THEMIS2: variants seen among roughly 807,000 people sequenced by gnomAD.
THEMIS2 encodes protein THEMIS2.
A neutral mutation model predicts 46.8 loss-of-function variants in THEMIS2; 29 were observed. That is an observed-to-expected ratio of 0.62 (90% CI 0.46 to 0.84). THEMIS2 has a LOEUF of 0.84. Ranked by LOEUF, THEMIS2 falls within the 40% of genes least tolerant of loss-of-function variation. The probability of loss-of-function intolerance (pLI) is 0.00; values close to 1 mark genes in which losing one functional copy is unlikely to be tolerated. For synonymous variants in THEMIS2, 335 were observed against 349.1 expected, an observed-to-expected ratio of 0.96 and a Z score of 0.45; for missense variants, 698 against 834.7, an observed-to-expected ratio of 0.84 and a Z score of 2.02.
In THEMIS2 at chr1:27,882,533, G is replaced by C; in HGVS notation, c.1209G>C (p.Gly403=). 6.2e-7 allele frequency: 1 copy of C among 1,614,106 alleles called. No homozygotes were observed. Among genetic ancestry groups the C allele is most frequent in the Non-Finnish European group, 8.5e-7 (1 of 1,179,992 alleles). Reference sequence around the variant, plus strand: ...GTCAGCGGCTGAGTGACCAGGCTGGGGAGGATGAGGAGGAAGAGTGCAAAG... The same window carrying C: ...GTCAGCGGCTGAGTGACCAGGCTGGCGAGGATGAGGAGGAAGAGTGCAAAG... The part of the protein sequence containing the change: ...LVCQRLSDQA[G]EDEEEECKEE... Residue 403 remains glycine (G), a synonymous_variant, in exon 4 of 6, where the codon GGG becomes GGC. Coordinates refer to ENST00000373921, the MANE Select transcript of THEMIS2 (RefSeq NM_001105556.3). This position sits in a 1 kb window ranked among gnomAD's most constrained non-coding sequence, Gnocchi z 7.6.
At position 27,878,337 on chromosome 1, in the gene THEMIS2, G is replaced by T. The variant is rs61789662; in HGVS notation, c.236-1307G>T. 1.5e-3 allele frequency among the ~76,000 whole-genome samples: 219 copies of T among 148,872 alleles called. 1 individual carries two copies. The highest frequency in any genetic ancestry group is 2.7e-3 in the Non-Finnish European group (182 of 67,448). ...TTATTTCGAAGGCAATGAGGAGCCA[G>T]TGAGGGTTTTTTGTTTCATTTTTAG... On this transcript the variant is annotated intron_variant, in intron 2 of 5. Transcript: ENST00000373921.
Position 27,879,738 on chromosome 1 carries a change from C to T in THEMIS2, c.330C>T (p.Cys110=), listed in dbSNP as rs1193327606. 6.2e-7 allele frequency: 1 copy of T among 1,614,140 alleles called. No individual in the cohort carries two copies. The highest frequency in any genetic ancestry group is 1.1e-5 in the South Asian group (1 of 91,088). ...AGAGCTCCAAGCAGCTGCCCACTTG[C>T]TTCATGTCGACCCACAGGATTGTCA... ...TTQSSKQLPT[C]FMSTHRIVTE... is the part of the protein sequence containing the mutation. Residue 110 remains cysteine (C), a synonymous_variant, in exon 3 of 6, where the codon TGC becomes TGT. Coordinates refer to ENST00000373921, the MANE Select transcript of THEMIS2 (RefSeq NM_001105556.3).
Position 27,874,761 on chromosome 1 carries a change from G to A in THEMIS2, c.95-1827G>A, listed in dbSNP as rs575416659. ...TGCACCACTGCACTCCAGTCTGGGC[G>A]ACAGTGAGACTCTGTCTCGAAAAAA... On this transcript the variant is annotated intron_variant, in intron 1 of 5. Transcript: ENST00000373921. Among the ~76,000 whole-genome samples the A allele has an allele frequency of 2.6e-5, 4 of 152,180 alleles. No homozygotes were observed. The East Asian group carries it at 7.8e-4, about 29-fold the overall frequency.
chr1:27,875,520 G>A (rs965964351), intron 1 of THEMIS2, among the ~76,000 whole-genome samples: 7 of 152,138 alleles, frequency 4.6e-5, no homozygotes, highest in African/African-American at 1.4e-4. Context: ...CAGGGCTGAT[G>A]TTGGAGCTGC....
chr1:27,880,135 AC>A, intron 3 of THEMIS2, 81 bp downstream of exon 3: 1 of 1,418,640 alleles, frequency 7.0e-7, no homozygotes, highest in Non-Finnish European at 9.4e-7. Flanking sequence ...GATGGAAGAC[AC>A]CCCCACCCCA....
intron 2 of THEMIS2, among the ~76,000 whole-genome samples, chr1:27,877,419 G>A (rs1051767566): frequency 9.9e-5 from 15 of 152,074 alleles, no homozygotes; most frequent in African/African-American, 2.9e-4. Flanking sequence ...TCTGCCTCCC[G>A]GGTTCCCACC....
At chr1:27,874,799 G>C (rs1184330918) in intron 1 of THEMIS2, among the ~76,000 whole-genome samples, 2 of 151,822 alleles carry the variant, frequency 1.3e-5, no homozygotes, top group Non-Finnish European at 2.9e-5. Flanking sequence ...GACGAGGTCT[G>C]TGTTGCCCAG....
chr1:27,883,140 A>C, intron 4 of THEMIS2, 97 bp downstream of exon 4: 1 of 1,091,266 alleles, frequency 9.2e-7, no homozygotes, highest in Non-Finnish European at 1.3e-6. Flanking sequence ...CAACTGTGTA[A>C]ACTTGTAGTT....
rs746932537 is a variant in THEMIS2 at position 27,885,858 on chromosome 1, CTT to C, written c.1877-6_1877-5del. On this transcript the variant is annotated splice_polypyrimidine_tract_variant and splice_region_variant and intron_variant, in intron 5 of 5. Transcript: ENST00000373921. The stretch of plus-strand genomic sequence containing the variant: ...CTAAAGATCCTCATTGACTCGGACT[CTT>C]TTGCAGATGATGATGAACATGATTA... 6.2e-6 allele frequency: 10 copies of C among 1,613,850 alleles called. No individual in the cohort carries two copies. The highest frequency in any genetic ancestry group is 3.3e-5 in the South Asian group (3 of 91,080).
intron 4 of THEMIS2, 127 bp downstream of exon 4, chr1:27,883,170 C>T: frequency 1.3e-6 from 1 of 795,766 alleles, no homozygotes; most frequent in Non-Finnish European, 2.0e-6. Flanking sequence ...GCACACTTTG[C>T]ACCCATTATT....
rs1416439900 is a variant in THEMIS2 at position 27,872,555 on chromosome 1, A to G, written c.-17A>G. 2 of 1,479,852 alleles carry G rather than the reference A, an allele frequency of 1.4e-6. No individual in the cohort carries two copies. The highest frequency in any genetic ancestry group is 2.9e-5 in the East Asian group (1 of 33,966). 91.7% of individuals were successfully genotyped at this position (1,479,852 alleles called of 1,614,324 possible). A position where few individuals can be genotyped will look rare whatever the true frequency, so the allele number is the denominator to read the frequency against. ...CCCGCCCGCCCCTCAGTCTGAGCCC[A>G]GAGAGCCGCGGGGACCATGGAGCCG... On this transcript the variant is annotated 5_prime_UTR_variant, in exon 1 of 6. Transcript: ENST00000373921. This position sits in a 1 kb window ranked among gnomAD's most constrained non-coding sequence, Gnocchi z 4.9.
chr1:27,885,324 CGCTCG>C lies in THEMIS2; in HGVS notation c.1753_1757del (p.Arg585AlafsTer33). ...CTCAAGTCTTAGGATTGCAGCAACA[CGCTCG>C]GCTGCCCAAACCCAAGGCGAAGACC... is the stretch of plus-strand genomic sequence containing the variant. On this transcript the variant is annotated frameshift_variant, in exon 5 of 6. Coordinates refer to ENST00000373921, the MANE Select transcript of THEMIS2 (RefSeq NM_001105556.3). LOFTEE classifies it high-confidence loss of function. The C allele has an allele frequency of 4.3e-6, 7 of 1,614,128 alleles. No individual in the cohort carries two copies. Among genetic ancestry groups the C allele is most frequent in the Non-Finnish European group, 5.9e-6 (7 of 1,180,020 alleles).
Position 27,882,327 on chromosome 1 carries a change from T to G in THEMIS2, c.1003T>G (p.Tyr335Asp). The G allele has an allele frequency of 6.3e-7, 1 of 1,589,008 alleles. No homozygotes were observed. The highest frequency in any genetic ancestry group is 8.6e-7 in the Non-Finnish European group (1 of 1,165,958). Reference sequence around the variant, plus strand: ...GCGGCCAAGGGAGTTCCCCACGGCCTATGACCTCCTAGGTGCTTTCCAGCC... The same window carrying G: ...GCGGCCAAGGGAGTTCCCCACGGCCGATGACCTCCTAGGTGCTTTCCAGCC... ...RRRPREFPTAYDLLGAFQPGR... is the reference protein window; with the variant it reads ...RRRPREFPTADDLLGAFQPGR... Residue 335 changes from tyrosine (Y) to aspartate (D), a missense_variant, in exon 4 of 6, where the codon TAT (tyrosine) becomes GAT (aspartate). Tyr to Asp is a radical substitution (Grantham distance 160, BLOSUM62 -3). Transcript: ENST00000373921. The surrounding 1 kb of genome is among the most constrained non-coding windows in gnomAD (Gnocchi z 7.6).
chr1:27,876,830 C>T (rs572173543), intron 2 of THEMIS2, 102 bp downstream of exon 2: 1,071 of 1,444,888 alleles, frequency 7.4e-4, no homozygotes, highest in Non-Finnish European at 9.5e-4. Flanking sequence ...TCCCTCCCCT[C>T]GGGGTTTGCT....
At chr1:27,880,945 T>C (rs1453765228) in intron 3 of THEMIS2, among the ~76,000 whole-genome samples, 1 of 151,672 alleles carries the variant, frequency 6.6e-6, no homozygotes, top group Non-Finnish European at 1.5e-5. Context: ...GCCCAGATAA[T>C]TTTTTTGTAT....
At chr1:27,877,161 T>C (rs1197006424) in intron 2 of THEMIS2, among the ~76,000 whole-genome samples, 1 of 152,090 alleles carries the variant, frequency 6.6e-6, no homozygotes, top group Non-Finnish European at 1.5e-5. Flanking sequence ...AAAGGAGTCA[T>C]AAGCTTTAGA....
intron 1 of THEMIS2, among the ~76,000 whole-genome samples, chr1:27,874,058 A>G (rs1342951348): frequency 7.3e-5 from 2 of 27,366 alleles, no homozygotes; most frequent in Non-Finnish European, 1.1e-4. Context: ...TTTGAGACAG[A>G]GTCTGGCTCT....
intron 1 of THEMIS2, among the ~76,000 whole-genome samples, chr1:27,875,794 G>A (rs1401505983): frequency 1.3e-5 from 2 of 151,894 alleles, no homozygotes; most frequent in South Asian, 2.1e-4. Flanking sequence ...TCCGCCTCCC[G>A]GGTTCACGCC....
At chr1:27,885,168 G>GTCATAGCC (rs2089747414) in intron 4 of THEMIS2, 127 bp from the exon 5 acceptor site, 1 of 995,372 alleles carries the variant, frequency 1.0e-6, no homozygotes, top group Non-Finnish European at 1.5e-6. Context: ...GTCTTGAGAG[G>GTCATAGCC]TCATAGCCTG....
Sources: allele counts gnomAD v4.1 joint callset (sites outside exome capture counted in the v4.1 genomes callset), GRCh38; gene constraint gnomAD v4.1.1; non-coding constraint Gnocchi (gnomAD v3.1); transcripts MANE v1.5; gene names NCBI Gene and HGNC (gene_info 2026-07-23, HGNC 2026-07-21).